SLC24A2: variants seen among roughly 807,000 people sequenced by gnomAD.
The protein encoded by SLC24A2 is solute carrier family 24 member 2.
Under a neutral mutation model 62.0 loss-of-function variants are expected in SLC24A2, and 36 were observed. That is an observed-to-expected ratio of 0.58 (90% confidence interval 0.44 to 0.77). The LOEUF is 0.77. Among genes scored for constraint, SLC24A2 ranks in the 30% least tolerant of loss-of-function variants. The pLI is 0.00. For missense variants in SLC24A2, 846 were observed against 817.9 expected, an observed-to-expected ratio of 1.03 and a Z score of -0.42; for synonymous variants, 358 against 294.0, an observed-to-expected ratio of 1.22 and a Z score of -2.23.
At chr9:20,120,585 A>C in the SLC24A2 span, among the ~76,000 whole-genome samples, 1 of 152,108 alleles carries the variant, frequency 6.6e-6, no homozygotes, top group African/African-American at 2.4e-5. Flanking sequence ...GGACTGAAAA[A>C]CTATCTATTG....
chr9:19,823,559 T>C, the SLC24A2 span, among the ~76,000 whole-genome samples: 4 of 151,622 alleles, frequency 2.6e-5, no homozygotes, highest in Non-Finnish European at 4.4e-5. Flanking sequence ...AACCAGGGAG[T>C]TGGAGGTTGC....
chr9:20,013,428 C>G, the SLC24A2 span, among the ~76,000 whole-genome samples: 1 of 152,234 alleles, frequency 6.6e-6, no homozygotes, highest in East Asian at 1.9e-4. Context: ...AGATTAAAAA[C>G]TTAAATATAG....
rs763373239 is a variant in SLC24A2, at chr9:19,651,118, G to A, written c.931-28819C>T. On this transcript the variant is annotated intron_variant, in intron 2 of 10. Transcript: ENST00000341998. Reference sequence around the variant, plus strand: ...TAGTATTAGGTAGCACAGATCTGAAGCCCCGATTACCTCATCTGCAGTTAT... The same window carrying A: ...TAGTATTAGGTAGCACAGATCTGAAACCCCGATTACCTCATCTGCAGTTAT... Among the ~76,000 whole-genome samples the A allele has an allele frequency of 2.0e-4, 30 of 152,126 alleles. 1 individual carries two copies. The highest frequency in any genetic ancestry group is 4.4e-5 in the Non-Finnish European group (3 of 68,024).
Position 19,692,980 on chromosome 9 carries a change from A to G in SLC24A2, c.931-70681T>C, listed in dbSNP as rs1820085781. Among the ~76,000 whole-genome samples, 3 of 152,282 alleles carry G rather than the reference A, an allele frequency of 2.0e-5. No homozygotes were observed. The South Asian group carries it at 6.2e-4, about 32-fold the overall frequency. ...GTCACTTAACCACATAACTTCTAAC[A>G]GGTTGTGTTTCTGTCCATAAAATGG... On this transcript the variant is annotated intron_variant, in intron 2 of 10. Transcript: ENST00000341998.
chr9:20,199,885 A>ATTTTT, the SLC24A2 span, among the ~76,000 whole-genome samples: 2 of 132,028 alleles, frequency 1.5e-5, no homozygotes, highest in East Asian at 4.5e-4. Flanking sequence ...TGCCTGGCTA[A>ATTTTT]TTTTTTTTTT....
chr9:20,030,980 GA>G, the SLC24A2 span, among the ~76,000 whole-genome samples: 1 of 152,004 alleles, frequency 6.6e-6, no homozygotes, highest in Non-Finnish European at 1.5e-5. Context: ...TTTTGGTGAG[GA>G]AAAGATTTGC....
intron 7 of SLC24A2, among the ~76,000 whole-genome samples, chr9:19,553,118 T>C (rs1834924378): frequency 6.6e-6 from 1 of 152,204 alleles, no homozygotes; most frequent in Non-Finnish European, 1.5e-5. Context: ...GCAAGGCTGT[T>C]GGCATACATT....
chr9:19,988,797 C>A, the SLC24A2 span, among the ~76,000 whole-genome samples: 13 of 152,198 alleles, frequency 8.5e-5, no homozygotes, highest in Admixed American at 6.5e-5. Flanking sequence ...CAGAAGAACA[C>A]TGAATCCACT....
At chr9:19,733,378 C>G (rs1821396945) in intron 2 of SLC24A2, among the ~76,000 whole-genome samples, 1 of 152,190 alleles carries the variant, frequency 6.6e-6, no homozygotes, top group South Asian at 2.1e-4. Context: ...AGATGATCTT[C>G]TTTCCGTTCT....
chr9:19,992,564 C>A, the SLC24A2 span, among the ~76,000 whole-genome samples: 2 of 152,186 alleles, frequency 1.3e-5, no homozygotes, highest in Non-Finnish European at 2.9e-5. Context: ...TTAAAAACAT[C>A]TGAGATAAGA....
rs552409016 is a variant in SLC24A2 at position 19,716,430 on chromosome 9, C to T, written c.930+69507G>A. 2.0e-5 allele frequency among the ~76,000 whole-genome samples: 3 copies of T among 152,310 alleles called. No individual in the cohort carries two copies. In the East Asian group the frequency reaches 5.8e-4, roughly 29 times the overall value. On this transcript the variant is annotated intron_variant, in intron 2 of 10. Transcript: ENST00000341998. ...CCCAATGATAGATAGAACAGGGTTC[C>T]TAGCTTCATGGAGCTCCCATTCACT...
chr9:19,874,996 C>CAA, the SLC24A2 span, among the ~76,000 whole-genome samples: 2,795 of 96,520 alleles, frequency 0.029, 85 homozygotes, highest in Admixed American at 0.038. Context: ...TCCAGAATTA[C>CAA]AAAAAAAAAA....
chr9:19,951,387 T>C, the SLC24A2 span, among the ~76,000 whole-genome samples: 1 of 152,162 alleles, frequency 6.6e-6, no homozygotes, highest in Non-Finnish European at 1.5e-5. Flanking sequence ...GTTTCTTTTA[T>C]GGCTTAGTGT....
the SLC24A2 span, among the ~76,000 whole-genome samples, chr9:20,074,922 T>C: frequency 1.3e-5 from 2 of 152,192 alleles, no homozygotes; most frequent in African/African-American, 2.4e-5. Context: ...GGGCTATGGC[T>C]TGTAGTCCTA....
At chr9:19,934,379 T>C in the SLC24A2 span, among the ~76,000 whole-genome samples, 2 of 152,138 alleles carry the variant, frequency 1.3e-5, no homozygotes, top group Non-Finnish European at 2.9e-5. This position sits in a 1 kb window ranked among gnomAD's most constrained non-coding sequence, Gnocchi z 4.1. Flanking sequence ...GCGGCCTCCA[T>C]GGGCCGAGAC....
At chr9:19,938,394 T>C in the SLC24A2 span, among the ~76,000 whole-genome samples, 1 of 152,192 alleles carries the variant, frequency 6.6e-6, no homozygotes, top group Non-Finnish European at 1.5e-5. Context: ...CCCATTTAAC[T>C]TACATGGACA....
At chr9:19,797,208 T>A in the SLC24A2 span, among the ~76,000 whole-genome samples, 4 of 152,206 alleles carry the variant, frequency 2.6e-5, no homozygotes, top group Admixed American at 2.6e-4. Context: ...GTATAAACTT[T>A]ATTTGGTTTG....
chr9:20,144,507 C>T, the SLC24A2 span, among the ~76,000 whole-genome samples: 1 of 152,154 alleles, frequency 6.6e-6, no homozygotes, highest in Non-Finnish European at 1.5e-5. Context: ...AGCCTCTCGG[C>T]ACCCATTTTT....
chr9:19,900,027 C>G, the SLC24A2 span, among the ~76,000 whole-genome samples: 1 of 152,154 alleles, frequency 6.6e-6, no homozygotes, highest in African/African-American at 2.4e-5. Context: ...TGAACCTTCA[C>G]TACTTGAGGG....
Sources: gnomAD v4.1 joint callset for allele counts (sites outside exome capture counted in the v4.1 genomes callset) on GRCh38, gnomAD v4.1.1 for gene constraint, Gnocchi (gnomAD v3.1) non-coding constraint, MANE v1.5 for transcripts, NCBI Gene and HGNC (gene_info 2026-07-23, HGNC 2026-07-21) for gene names.